LIN54: variants seen among roughly 807,000 people sequenced by gnomAD.
LIN54 encodes the protein lin-54 DREAM MuvB core complex component, also known as protein lin-54 homolog.
A neutral mutation model predicts 78.7 loss-of-function variants in LIN54; 9 were observed. The observed-to-expected ratio is 0.11, with a 90% CI of 0.07 to 0.20. The LOEUF (loss-of-function observed/expected upper bound fraction) is 0.20. Among genes scored for constraint, LIN54 ranks in the 10% least tolerant of loss-of-function variants. LIN54 has a pLI of 1.00. For synonymous variants in LIN54, 269 were observed against 318.4 expected (o/e 0.84, Z 1.65); for missense variants, 573 against 889.9 (o/e 0.64, Z 4.53).
rs1464858415 is a variant in LIN54 at position 82,941,531 on chromosome 4, A to G, written c.1169-1569T>C. Reference sequence around the variant, plus strand: ...TTTCTAGGGATTTTTAAATACAGAAATTATATTGAAATAAAAGAAAAATTA... The same window carrying G: ...TTTCTAGGGATTTTTAAATACAGAAGTTATATTGAAATAAAAGAAAAATTA... On this transcript the variant is annotated intron_variant, in intron 5 of 12. Coordinates refer to ENST00000340417, the MANE Select transcript of LIN54 (RefSeq NM_194282.4). Among the ~76,000 whole-genome samples the G allele has an allele frequency of 2.6e-5, 4 of 152,356 alleles. No individual in the cohort carries two copies. The East Asian group carries it at 5.8e-4, about 22-fold the overall frequency.
chr4:82,978,971 T>C lies in LIN54; in HGVS notation c.720A>G (p.Pro240=), dbSNP rs1318364914. ...TTGCAAAGATCAGCTTCGTGATTAC[T>C]GGACCAGAGGTTGGCGTTCGAGGCT... ...AKKPRTPTSG[P]VITKLIFAKP... is the part of the protein sequence containing the mutation. Residue 240 remains proline (P), a synonymous_variant, in exon 3 of 13, where the codon CCA becomes CCG. Coordinates refer to ENST00000340417, the MANE Select transcript of LIN54 (RefSeq NM_194282.4). 11 of 1,594,278 alleles carry C rather than the reference T, an allele frequency of 6.9e-6. No homozygotes were observed. Among genetic ancestry groups the C allele is most frequent in the East Asian group, 2.2e-5 (1 of 44,744 alleles).
chr4:82,936,337 T>C lies in LIN54; in HGVS notation c.1649A>G (p.Asn550Ser), dbSNP rs1484699030. 4 of 1,578,614 alleles carry C rather than the reference T, an allele frequency of 2.5e-6. No homozygotes were observed. The highest frequency in any genetic ancestry group is 1.8e-5 in the Admixed American group (1 of 55,978). The change falls in exon 10 of 13, where the codon AAT (asparagine) becomes AGT (serine). Residue 550 changes from asparagine (N) to serine (S), a missense_variant. By Grantham distance (46) the Asn-to-Ser change is conservative (BLOSUM62 1). This residue lies in a region of LIN54 where 101 missense variants were observed against 194.2 expected (regional missense o/e 0.52). Coordinates refer to ENST00000340417, the MANE Select transcript of LIN54 (RefSeq NM_194282.4). ...FANGEFCNNC[N>S]CTNCYNNLEH... Reference sequence around the variant, plus strand: ...CAAATTGTTGTAACAATTAGTACAATTGCAGTTGTTGCAAAATTCACCATT... The same window carrying C: ...CAAATTGTTGTAACAATTAGTACAACTGCAGTTGTTGCAAAATTCACCATT...
At chr4:82,931,976 C>T (rs1721988020) in intron 11 of LIN54, among the ~76,000 whole-genome samples, 1 of 151,730 alleles carries the variant, frequency 6.6e-6, no homozygotes, top group Admixed American at 6.6e-5. Flanking sequence ...GTTTCCAGTT[C>T]TTGGGTACCA....
At chr4:83,004,878 C>T (rs1729214664) in intron 1 of LIN54, among the ~76,000 whole-genome samples, 1 of 152,016 alleles carries the variant, frequency 6.6e-6, no homozygotes, top group African/African-American at 2.4e-5. Flanking sequence ...GTTTTGTTTA[C>T]ATTAGATTTA....
At position 82,930,965 on chromosome 4, in the gene LIN54, C is replaced by G; in HGVS notation, c.2026G>C (p.Ala676Pro). ...TACTTTCCGCCTCCACTATTTAAAG[C>G]TGGTGTTGGCCTAGTAAGCAAGTCT... ...ISDLLTRPTP[A>P]LNSGGGKLPF... The change falls in exon 12 of 13, where the codon GCT becomes CCT. Residue 676 changes from alanine (A) to proline (P), a missense_variant. By Grantham distance (27) the Ala-to-Pro change is conservative. This residue lies in a region of LIN54 where 82 missense variants were observed against 140.8 expected (regional missense o/e 0.58). Transcript: ENST00000340417. The G allele has an allele frequency of 6.2e-7, 1 of 1,614,134 alleles. No individual in the cohort carries two copies. The highest frequency in any genetic ancestry group is 8.5e-7 in the Non-Finnish European group (1 of 1,179,978).
chr4:82,945,392 A>G (rs561548665), intron 5 of LIN54, among the ~76,000 whole-genome samples: 1 of 152,360 alleles, frequency 6.6e-6, no homozygotes, highest in East Asian at 1.9e-4. Flanking sequence ...CTATGGATGT[A>G]TATCAGGTGG....
chr4:83,004,477 C>T (rs4693542), intron 1 of LIN54, among the ~76,000 whole-genome samples: 65,038 of 150,860 alleles, frequency 0.43, 16,868 homozygotes, highest in Admixed American at 0.58. Flanking sequence ...AGTATATTCA[C>T]TATGGAAAGA....
At position 82,984,197 on chromosome 4, in the gene LIN54, G is replaced by C. The variant is rs1360660212; in HGVS notation, c.648C>G (p.Pro216=). ...GSQLINTTTQ[P]SVLQTQQLKT... ...TTAACTGTTGGGTCTGTAACACAGA[G>C]GGCTGAGTTGTAGTATTAATCAGTT... The change falls in exon 2 of 13, where the codon CCC becomes CCG. Residue 216 remains proline (P), a synonymous_variant. Coordinates refer to ENST00000340417, the MANE Select transcript of LIN54 (RefSeq NM_194282.4). 6.2e-7 allele frequency: 1 copy of C among 1,613,786 alleles called. No homozygotes were observed. Among genetic ancestry groups the C allele is most frequent in the African/African-American group, 1.3e-5 (1 of 74,900 alleles).
chr4:82,977,361 C>T (rs1032475539), intron 3 of LIN54, among the ~76,000 whole-genome samples: 2 of 152,172 alleles, frequency 1.3e-5, no homozygotes. Context: ...AACCCAAACC[C>T]TTTCCAGTAT....
Position 82,939,600 on chromosome 4 carries a change from G to T in LIN54, c.1379C>A (p.Ala460Glu), listed in dbSNP as rs145209261. The change falls in exon 7 of 13, where the codon GCA becomes GAA. Residue 460 changes from alanine to glutamate, a missense_variant. Coordinates refer to ENST00000340417, the MANE Select transcript of LIN54 (RefSeq NM_194282.4). Reference sequence around the variant, plus strand: ...CACATTCCCTGTTCCCGGAGCTGGTGCCAGGACAGTGCCTGGTGGCAGGTT... The same window carrying T: ...CACATTCCCTGTTCCCGGAGCTGGTTCCAGGACAGTGCCTGGTGGCAGGTT... ...LTNLPPGTVL[A>E]PAPGTGNVGY... 6.2e-7 allele frequency: 1 copy of T among 1,614,112 alleles called. No homozygotes were observed. The highest frequency in any genetic ancestry group is 8.5e-7 in the Non-Finnish European group (1 of 1,180,030).
chr4:82,975,314 T>A (rs777447635), intron 3 of LIN54, among the ~76,000 whole-genome samples: 32 of 147,202 alleles, frequency 2.2e-4, no homozygotes, highest in Non-Finnish European at 4.1e-4. Flanking sequence ...CCAGCCTGGG[T>A]GACAGAGTGA....
chr4:82,984,983 T>C, intron 1 of LIN54, 107 bp from the exon 2 acceptor site: 2 of 695,194 alleles, frequency 2.9e-6, no homozygotes, highest in Non-Finnish European at 2.4e-6. Context: ...AATTGATATA[T>C]AATTGAATGA....
intron 4 of LIN54, among the ~76,000 whole-genome samples, chr4:82,967,360 G>A (rs1475030363): frequency 6.6e-6 from 1 of 152,204 alleles, no homozygotes; most frequent in East Asian, 1.9e-4. Context: ...CAGAGAATAT[G>A]TGAACACAGA....
intron 8 of LIN54, among the ~76,000 whole-genome samples, chr4:82,937,899 G>C (rs1722518438): frequency 6.6e-6 from 1 of 152,224 alleles, no homozygotes; most frequent in African/African-American, 2.4e-5. Context: ...GGGAGACTGA[G>C]CCAGGAGGAT....
chr4:82,988,679 T>C (rs1727388759), intron 1 of LIN54, among the ~76,000 whole-genome samples: 1 of 152,204 alleles, frequency 6.6e-6, no homozygotes, highest in Non-Finnish European at 1.5e-5. Context: ...GTATGAGAGT[T>C]CCAGCTGCTG....
At chr4:82,973,790 G>A (rs1056435442) in intron 3 of LIN54, among the ~76,000 whole-genome samples, 1 of 152,154 alleles carries the variant, frequency 6.6e-6, no homozygotes, top group Admixed American at 6.5e-5. Flanking sequence ...GAAGATCATA[G>A]AGAAAATCAA....
intron 4 of LIN54, among the ~76,000 whole-genome samples, chr4:82,947,235 A>ATATATATATATATATATATATTTT: frequency 2.3e-5 from 1 of 44,292 alleles, no homozygotes; most frequent in Non-Finnish European, 3.7e-5. Flanking sequence ...ATATATATAT[A>ATATATATATATATATATATATTTT]TTTTTTTTTT....
Position 82,993,890 on chromosome 4 carries a change from A to G in LIN54, c.-32-9014T>C, listed in dbSNP as rs1468488066. On this transcript the variant is annotated intron_variant, in intron 1 of 12. Transcript: ENST00000340417. ...CTCAGCATCCCAAAGTGCTGGGATTACAGGCATGAGCCACTACGCCTGGCC... is the reference window on the plus strand; with the variant it reads ...CTCAGCATCCCAAAGTGCTGGGATTGCAGGCATGAGCCACTACGCCTGGCC... Among the ~76,000 whole-genome samples the G allele has an allele frequency of 3.3e-5, 5 of 152,234 alleles. No homozygotes were observed. The East Asian group carries it at 7.7e-4, about 24-fold the overall frequency.
upstream of LIN54, among the ~76,000 whole-genome samples, chr4:83,011,264 G>A (rs1308692369): frequency 6.6e-6 from 1 of 152,182 alleles, no homozygotes; most frequent in Non-Finnish European, 1.5e-5. Context: ...GACAGGATGA[G>A]CTATTTCCAT....
Sources: allele counts gnomAD v4.1 joint callset (sites outside exome capture counted in the v4.1 genomes callset), GRCh38; gene constraint gnomAD v4.1.1; regional missense constraint gnomAD v4.1.1; transcripts MANE v1.5; gene names NCBI Gene and HGNC (gene_info 2026-07-23, HGNC 2026-07-21).